The following VPS13B variants were observed in gnomAD, a reference collection of about 807,000 sequenced individuals.
The protein encoded by VPS13B is vacuolar protein sorting 13 homolog B, also known as intermembrane lipid transfer protein VPS13B.
In VPS13B, 285 loss-of-function variants were observed where a neutral mutation model predicts 426.4. The ratio of observed to expected loss-of-function variants is 0.67; its 90% CI spans 0.61 to 0.74. The LOEUF is 0.74. Among genes scored for constraint, VPS13B ranks in the 30% least tolerant of loss-of-function variants. VPS13B has a pLI of 0.00. For missense variants in VPS13B, 4,537 were observed against 4,782.6 expected (o/e 0.95, Z 1.51); for synonymous variants, 1,676 against 1,676.4 (o/e 1.00, Z 0.01).
intron 3 of VPS13B, among the ~76,000 whole-genome samples, chr8:99,091,009 A>T (rs1391121782): frequency 6.6e-6 from 1 of 152,182 alleles, no homozygotes; most frequent in Non-Finnish European, 1.5e-5. Context: ...AAGGAAAGGA[A>T]TGTCATAGGT....
chr8:99,696,213 TG>T (rs1831993018), intron 35 of VPS13B: 1 of 179,872 alleles, frequency 5.6e-6, no homozygotes, highest in African/African-American at 2.4e-5. Flanking sequence ...TCTGATGACT[TG>T]GTAGTAGAGA....
At chr8:99,235,694 T>A (rs1816603934) in intron 17 of VPS13B, among the ~76,000 whole-genome samples, 1 of 152,212 alleles carries the variant, frequency 6.6e-6, no homozygotes, top group African/African-American at 2.4e-5. Flanking sequence ...TCTTAAGTGA[T>A]GCGTTACATT....
chr8:99,116,147 C>T (rs978764634), intron 7 of VPS13B, among the ~76,000 whole-genome samples: 3 of 152,078 alleles, frequency 2.0e-5, no homozygotes, highest in African/African-American at 7.2e-5. Flanking sequence ...CTTGCCTCAG[C>T]CTCCCAAGTA....
At chr8:99,461,772 T>G (rs1331115977) in intron 23 of VPS13B, among the ~76,000 whole-genome samples, 1 of 152,192 alleles carries the variant, frequency 6.6e-6, no homozygotes, top group Non-Finnish European at 1.5e-5. Flanking sequence ...TGGAGTATCC[T>G]ATTTTAAAAT....
intron 17 of VPS13B, chr8:99,233,083 T>C: frequency 7.4e-7 from 1 of 1,359,948 alleles, no homozygotes; most frequent in South Asian, 1.2e-5. Context: ...TCCCTGAGGG[T>C]ATTTCTACTC....
intron 36 of VPS13B, among the ~76,000 whole-genome samples, chr8:99,703,424 T>C (rs182463896): frequency 6.6e-6 from 1 of 152,260 alleles, no homozygotes; most frequent in East Asian, 1.9e-4. Flanking sequence ...TTTGGTAAAA[T>C]GACCCAAAAC....
Position 99,868,380 on chromosome 8 carries a change from C to T in VPS13B, c.11307C>T (p.Val3769=), listed in dbSNP as rs2130963089. 2 of 1,614,166 alleles carry T rather than the reference C, an allele frequency of 1.2e-6. No individual in the cohort carries two copies. The highest frequency in any genetic ancestry group is 1.7e-6 in the Non-Finnish European group (2 of 1,180,042). The change falls in exon 59 of 62, where the codon GTC becomes GTT. Residue 3769 remains valine (V), a synonymous_variant. Coordinates refer to ENST00000357162, the MANE Select transcript of VPS13B (RefSeq NM_152564.5). ...QASAGHKAKG[V]ISGVGKGIMG... is the part of the protein sequence containing the mutation. Reference sequence around the variant, plus strand: ...CAGCAGGACACAAGGCCAAGGGTGTCATCTCGGGTGTGGGGAAAGGAATCA... The same window carrying T: ...CAGCAGGACACAAGGCCAAGGGTGTTATCTCGGGTGTGGGGAAAGGAATCA...
chr8:99,040,529 T>G (rs2132228179), intron 3 of VPS13B, among the ~76,000 whole-genome samples: 1 of 152,318 alleles, frequency 6.6e-6, no homozygotes, highest in African/African-American at 2.4e-5. Flanking sequence ...GGAATTAAAT[T>G]TTGCGTAAAA....
chr8:99,228,265 T>C (rs1362977328), intron 17 of VPS13B, among the ~76,000 whole-genome samples: 4 of 152,224 alleles, frequency 2.6e-5, no homozygotes, highest in African/African-American at 7.2e-5. Flanking sequence ...TATTTTGTGC[T>C]TATGTGCTAG....
chr8:99,640,019 T>TAAGAAG (rs1172250597), intron 33 of VPS13B, among the ~76,000 whole-genome samples: 29 of 78,290 alleles, frequency 3.7e-4, no homozygotes, highest in African/African-American at 4.9e-4. Context: ...ATAATAATAA[T>TAAGAAG]AATAATAAGA....
At chr8:99,415,208 C>T (rs564656820) in intron 21 of VPS13B, among the ~76,000 whole-genome samples, 1 of 151,760 alleles carries the variant, frequency 6.6e-6, no homozygotes, top group Admixed American at 6.6e-5. Flanking sequence ...TGGCTATTGA[C>T]ACTTGTGTAT....
intron 19 of VPS13B, among the ~76,000 whole-genome samples, chr8:99,310,361 A>G (rs537675143): frequency 6.6e-6 from 1 of 152,336 alleles, no homozygotes; most frequent in East Asian, 1.9e-4. Flanking sequence ...CGTCCCATCA[A>G]TACCGAATTT....
intron 39 of VPS13B, among the ~76,000 whole-genome samples, chr8:99,724,550 T>G (rs1393931143): frequency 6.6e-6 from 1 of 152,144 alleles, no homozygotes; most frequent in African/African-American, 2.4e-5. Flanking sequence ...GGCAAACTAC[T>G]GATCTTTTTG....
rs1817678009 is a variant in VPS13B at position 99,875,917 on chromosome 8, C to CA, written c.*252dup. The CA allele has an allele frequency of 1.9e-6, 1 of 535,552 alleles. No individual in the cohort carries two copies. Among genetic ancestry groups the CA allele is most frequent in the Non-Finnish European group, 3.3e-6 (1 of 298,724 alleles). The allele number at this position is 535,552 out of a possible 1,614,324, so 33.2% of individuals were successfully genotyped here. On this transcript the variant is annotated 3_prime_UTR_variant, in exon 62 of 62. Coordinates refer to ENST00000357162, the MANE Select transcript of VPS13B (RefSeq NM_152564.5). ...TCATCTGATATGGACACAAGGCCAA[C>CA]AGTTTCCTTATTTACATCCTTACCT...
rs1332459852 is a variant in VPS13B, at chr8:99,642,144, CT to C, written c.5555del (p.Leu1852ProfsTer19). ...AAAAACAGACAAGAGTTCATTAAAT[CT>C]CCCAGAAGTTGATTCAGATGTTGCT... ...NEKTDKSSLN[L>X]PEVDSDVAKP... On this transcript the variant is annotated frameshift_variant, in exon 34 of 62. Transcript: ENST00000357162. LOFTEE classifies it high-confidence loss of function. 6.2e-7 allele frequency: 1 copy of C among 1,614,146 alleles called. No individual in the cohort carries two copies. Among genetic ancestry groups the C allele is most frequent in the Non-Finnish European group, 8.5e-7 (1 of 1,180,026 alleles).
At chr8:99,818,965 GCGGCGGGGGAGGGGT>G in intron 47 of VPS13B, 77 bp downstream of exon 47, 1 of 1,167,784 alleles carries the variant, frequency 8.6e-7, no homozygotes, top group Non-Finnish European at 1.2e-6. Flanking sequence ...GCACTGGGGG[GCGGCGGGGGAGGGGT>G]GGGTAGGGAG....
rs149046381 is a variant in VPS13B, at chr8:99,826,588, C to T, written c.9330+2610C>T. ...CTTTCTTTTGCCTGATTGCCCTGGC[C>T]AGAACTTCCAACACTATGTTGAATA... On this transcript the variant is annotated intron_variant, in intron 51 of 61. Transcript: ENST00000357162. 1.8e-3 allele frequency among the ~76,000 whole-genome samples: 275 copies of T among 152,230 alleles called. 5 individuals carry two copies. The East Asian group carries it at 0.034, about 19-fold the overall frequency.
At chr8:99,365,555 C>T (rs1170753936) in intron 19 of VPS13B, among the ~76,000 whole-genome samples, 10 of 125,508 alleles carry the variant, frequency 8.0e-5, no homozygotes, top group Middle Eastern at 6.9e-3. Context: ...CTCGCTCTGT[C>T]GCCCAGGCTG....
chr8:99,717,692 C>T (rs1045264757), intron 37 of VPS13B, among the ~76,000 whole-genome samples: 10 of 152,096 alleles, frequency 6.6e-5, no homozygotes, highest in African/African-American at 2.4e-4. Context: ...CCTCTAACCC[C>T]CTTATCAGGC....
Sources: allele counts gnomAD v4.1 joint callset (sites outside exome capture counted in the v4.1 genomes callset), GRCh38; gene constraint gnomAD v4.1.1; transcripts MANE v1.5; gene names NCBI Gene and HGNC (gene_info 2026-07-23, HGNC 2026-07-21).